The following NRXN3 variants were observed in gnomAD, a reference collection of about 807,000 sequenced individuals.
NRXN3 encodes neurexin III.
Under a neutral mutation model 137.6 loss-of-function variants are expected in NRXN3, and 32 were observed. The ratio of observed to expected loss-of-function variants is 0.23; its 90% CI spans 0.18 to 0.31. The LOEUF is 0.31. Among genes scored for constraint, NRXN3 ranks in the 10% least tolerant of loss-of-function variants. NRXN3 has a pLI of 1.00. For missense variants in NRXN3, 1,574 were observed against 2,062.5 expected (o/e 0.76, Z 4.59); for synonymous variants, 798 against 784.5 (o/e 1.02, Z -0.29).
At chr14:78,346,641 A>AC (rs1180748397) in intron 4 of NRXN3, among the ~76,000 whole-genome samples, 1 of 151,946 alleles carries the variant, frequency 6.6e-6, no homozygotes, top group Admixed American at 6.6e-5. Context: ...TCCTTCTAAC[A>AC]CCCCACCTTA....
At chr14:78,258,443 G>T (rs1360253938) in intron 2 of NRXN3, among the ~76,000 whole-genome samples, 1 of 151,796 alleles carries the variant, frequency 6.6e-6, no homozygotes, top group Non-Finnish European at 1.5e-5. Context: ...TTGGCGGGGG[G>T]AGGATGGGGG....
chr14:79,540,868 G>A (rs1460345007), intron 16 of NRXN3, among the ~76,000 whole-genome samples: 1 of 152,144 alleles, frequency 6.6e-6, no homozygotes, highest in African/African-American at 2.4e-5. Context: ...TTTCCAACAT[G>A]AAAAGGACCA....
At chr14:79,222,830 T>C (rs1196347998) in intron 15 of NRXN3, among the ~76,000 whole-genome samples, 1 of 152,112 alleles carries the variant, frequency 6.6e-6, no homozygotes, top group African/African-American at 2.4e-5. Flanking sequence ...ACTTTTTGGG[T>C]GAGGTGTGTG....
In NRXN3 at chr14:78,730,409, AT is replaced by A. The variant is rs199535178; in HGVS notation, c.2044+15277del. On this transcript the variant is annotated intron_variant, in intron 8 of 20. Coordinates refer to ENST00000335750, the MANE Select transcript of NRXN3 (RefSeq NM_001330195.2). The stretch of plus-strand genomic sequence containing the variant: ...TTCTTTATCCCCCCTATTCTTCATT[AT>A]TTTTTTCCCTGATAAACCCCACACA... Among the ~76,000 whole-genome samples, 705 of 151,014 alleles carry A rather than the reference AT, an allele frequency of 4.7e-3. 6 individuals carry two copies. Among genetic ancestry groups the A allele is most frequent in the Non-Finnish European group, 7.2e-3 (487 of 67,732 alleles).
chr14:79,478,649 C>T (rs2096580761), intron 16 of NRXN3, among the ~76,000 whole-genome samples: 1 of 152,074 alleles, frequency 6.6e-6, no homozygotes, highest in South Asian at 2.1e-4. Flanking sequence ...TGACAGAATG[C>T]AAGTGAGCAT....
chr14:78,805,389 G>A (rs752747662), intron 9 of NRXN3, among the ~76,000 whole-genome samples: 1 of 151,932 alleles, frequency 6.6e-6, no homozygotes, highest in Non-Finnish European at 1.5e-5. Flanking sequence ...ATCAAAAGAT[G>A]GTATTCAACC....
intron 15 of NRXN3, among the ~76,000 whole-genome samples, chr14:79,265,335 A>G (rs1167193809): frequency 7.4e-6 from 1 of 135,636 alleles, no homozygotes; most frequent in Non-Finnish European, 1.6e-5. Flanking sequence ...TGTCATTTTT[A>G]TTTATGTATT....
intron 15 of NRXN3, among the ~76,000 whole-genome samples, chr14:79,318,179 T>C (rs1031879905): frequency 6.6e-6 from 1 of 152,186 alleles, no homozygotes; most frequent in Non-Finnish European, 1.5e-5. Flanking sequence ...AGTTGCATTG[T>C]GTATACTAAA....
intron 10 of NRXN3, among the ~76,000 whole-genome samples, chr14:78,888,001 A>G (rs1000682227): frequency 6.6e-6 from 1 of 152,086 alleles, no homozygotes; most frequent in East Asian, 1.9e-4. Context: ...TCATCTGGGT[A>G]TGATCTGGCT....
chr14:78,272,050 G>A (rs920761361), intron 2 of NRXN3, among the ~76,000 whole-genome samples: 2 of 152,168 alleles, frequency 1.3e-5, no homozygotes, highest in Non-Finnish European at 2.9e-5. Context: ...GGGGGCAGGA[G>A]TCAATAGGCC....
At chr14:79,832,737 C>G (rs865841075) in intron 20 of NRXN3, among the ~76,000 whole-genome samples, 1 of 151,982 alleles carries the variant, frequency 6.6e-6, no homozygotes, top group East Asian at 1.9e-4. Context: ...CTATGGGGCT[C>G]AACCCCACAT....
intron 10 of NRXN3, among the ~76,000 whole-genome samples, chr14:78,946,238 A>G (rs2099364905): frequency 6.6e-6 from 1 of 152,226 alleles, no homozygotes. Flanking sequence ...TGAGAATCCA[A>G]TGTACCTTCC....
chr14:78,785,185 C>T (rs541371556), intron 8 of NRXN3, among the ~76,000 whole-genome samples: 1 of 152,042 alleles, frequency 6.6e-6, no homozygotes, highest in South Asian at 2.1e-4. Context: ...GAGGATGGTA[C>T]AATAATGTGG....
chr14:79,817,268 G>C (rs770693541), intron 20 of NRXN3, among the ~76,000 whole-genome samples: 1 of 152,120 alleles, frequency 6.6e-6, no homozygotes, highest in Non-Finnish European at 1.5e-5. Flanking sequence ...GGCCAGGCTG[G>C]TCTTGAACTC....
At chr14:78,991,078 G>A (rs982899615) in intron 15 of NRXN3, among the ~76,000 whole-genome samples, 5 of 152,138 alleles carry the variant, frequency 3.3e-5, no homozygotes, top group Admixed American at 6.5e-5. Context: ...CATCATCACC[G>A]GCAGACTTGA....
intron 10 of NRXN3, among the ~76,000 whole-genome samples, chr14:78,817,213 C>A (rs912550365): frequency 1.3e-5 from 2 of 152,146 alleles, no homozygotes; most frequent in African/African-American, 2.4e-5. Context: ...CACAAATGAG[C>A]TACATGTCTT....
intron 10 of NRXN3, among the ~76,000 whole-genome samples, chr14:78,833,299 G>C (rs2098987456): frequency 6.6e-6 from 1 of 152,124 alleles, no homozygotes; most frequent in South Asian, 2.1e-4. Context: ...AACCCTTAGA[G>C]CCTTGGTTTT....
rs74064311 is a variant in NRXN3, at chr14:78,528,754, C to G, written c.758-116366C>G. Reference sequence around the variant, plus strand: ...TGAGTGAGGCAGAGTCGTGCAAGTACAGATTTGGGGTCCTATCTTTATTTA... The same window carrying G: ...TGAGTGAGGCAGAGTCGTGCAAGTAGAGATTTGGGGTCCTATCTTTATTTA... On this transcript the variant is annotated intron_variant, in intron 4 of 20. Transcript: ENST00000335750. Among the ~76,000 whole-genome samples the G allele has an allele frequency of 4.2e-3, 641 of 152,220 alleles. 7 individuals are homozygous for G. The highest frequency in any genetic ancestry group is 0.014 in the African/African-American group (601 of 41,530).
intron 15 of NRXN3, among the ~76,000 whole-genome samples, chr14:79,180,852 C>T (rs981346511): frequency 1.1e-4 from 16 of 152,064 alleles, no homozygotes; most frequent in African/African-American, 3.1e-4. Flanking sequence ...GTCATTACTA[C>T]GTACTACAGT....
Sources: gnomAD v4.1 joint callset for allele counts (sites outside exome capture counted in the v4.1 genomes callset) on GRCh38, gnomAD v4.1.1 for gene constraint, MANE v1.5 for transcripts, NCBI Gene and HGNC (gene_info 2026-07-23, HGNC 2026-07-21) for gene names.